FBXO5: variants seen among roughly 807,000 people sequenced by gnomAD.
The protein encoded by FBXO5 is F-box only protein 5.
Under a neutral mutation model 43.3 loss-of-function variants are expected in FBXO5, and 8 were observed. The observed-to-expected ratio is 0.18, with a 90% confidence interval of 0.11 to 0.33. The LOEUF (loss-of-function observed/expected upper bound fraction) is 0.33. FBXO5 is among the 10% of genes least tolerant of loss of function. FBXO5 has a pLI of 1.00. For missense variants in FBXO5, 491 were observed against 535.7 expected, an observed-to-expected ratio of 0.92 and a Z score of 0.82; for synonymous variants, 204 against 193.7, an observed-to-expected ratio of 1.05 and a Z score of -0.44.
intron 1 of FBXO5, 76 bp from the exon 2 acceptor site, chr6:152,975,697 A>G (rs1198414506): frequency 2.2e-6 from 2 of 911,060 alleles, no homozygotes; most frequent in Non-Finnish European, 3.3e-6. Flanking sequence ...TGGGATATAC[A>G]AAGATTACTT....
intron 2 of FBXO5, chr6:152,973,337 T>C (rs1001942153): frequency 3.8e-6 from 2 of 522,750 alleles, no homozygotes; most frequent in African/African-American, 1.9e-5. Flanking sequence ...AGCTCCCTCC[T>C]CATTAAGTAA....
At chr6:152,983,109 T>A, upstream of FBXO5, 1 of 444,570 alleles carries the variant, frequency 2.2e-6, no homozygotes, top group Non-Finnish European at 3.9e-6. Context: ...CGCGGTCCAA[T>A]GAGACGCGTC....
chr6:152,978,653 C>G (rs570791582), intron 1 of FBXO5, among the ~76,000 whole-genome samples: 1 of 152,050 alleles, frequency 6.6e-6, no homozygotes, highest in Non-Finnish European at 1.5e-5. Context: ...ATGACTACCA[C>G]GTTCCTCTTG....
At chr6:152,982,782 G>A (rs1778283319) in intron 1 of FBXO5, 75 bp downstream of exon 1, 3 of 1,046,848 alleles carry the variant, frequency 2.9e-6, no homozygotes, top group Non-Finnish European at 2.6e-6. Flanking sequence ...GTCGGGTCAG[G>A]GTCTCAGGCT....
At chr6:152,973,356 G>C (rs1166805431) in intron 2 of FBXO5, 6 of 500,308 alleles carry the variant, frequency 1.2e-5, no homozygotes, top group Non-Finnish European at 2.2e-5. Context: ...AATTCTGAGT[G>C]CATTGAGGCT....
At chr6:152,972,778 A>G in intron 3 of FBXO5, 1 of 495,962 alleles carries the variant, frequency 2.0e-6, no homozygotes, top group Non-Finnish European at 3.6e-6. Flanking sequence ...ACAACTGGCA[A>G]CTAAGATTGA....
At position 152,971,029 on chromosome 6, in the gene FBXO5, G is replaced by C; in HGVS notation, c.*134C>G. On this transcript the variant is annotated 3_prime_UTR_variant, in exon 5 of 5. Transcript: ENST00000229758. ...AGGTTGTCTATCCTCTTTATCTTCT[G>C]GGGGGAAAAAAACCTCAGGATACTA... 2 of 761,656 alleles carry C rather than the reference G, an allele frequency of 2.6e-6. No individual in the cohort carries two copies. Among genetic ancestry groups the C allele is most frequent in the Admixed American group, 3.7e-5 (1 of 27,034 alleles). The allele number at this position is 761,656 out of a possible 1,614,324, so 47.2% of individuals were successfully genotyped here.
chr6:152,976,593 T>C (rs1369547133), intron 1 of FBXO5, among the ~76,000 whole-genome samples: 1 of 152,220 alleles, frequency 6.6e-6, no homozygotes, highest in Admixed American at 6.5e-5. Flanking sequence ...GACACTCTAA[T>C]CAATTAACCA....
In FBXO5 at chr6:152,983,026, C is replaced by T; in HGVS notation, c.-67G>A. ...CGGGGGCAGCTGAGCAACCTGCCTG[C>T]TTCACAGACCTGTATCTCTTAAAAG... On this transcript the variant is annotated 5_prime_UTR_variant, in exon 1 of 5. Coordinates refer to ENST00000229758, the MANE Select transcript of FBXO5 (RefSeq NM_012177.5). 15 of 934,870 alleles carry T rather than the reference C, an allele frequency of 1.6e-5. No individual in the cohort carries two copies. Among genetic ancestry groups the T allele is most frequent in the Non-Finnish European group, 2.2e-5 (15 of 677,668 alleles). The allele number at this position is 934,870 out of a possible 1,614,324, so 57.9% of individuals were successfully genotyped here. A position where few individuals can be genotyped will look rare whatever the true frequency, so the allele number is the denominator to read the frequency against.
chr6:152,972,945 G>A, intron 3 of FBXO5, 101 bp downstream of exon 3: 1 of 820,966 alleles, frequency 1.2e-6, no homozygotes, highest in Non-Finnish European at 1.9e-6. Flanking sequence ...AATACTTTAT[G>A]ACTGTAAAGA....
At chr6:152,983,085 G>A, upstream of FBXO5, 1 of 534,780 alleles carries the variant, frequency 1.9e-6, no homozygotes, top group Non-Finnish European at 3.0e-6. Context: ...CTTTGAATTT[G>A]GTGCCTAAAT....
chr6:152,980,353 G>T (rs1016931620), intron 1 of FBXO5, among the ~76,000 whole-genome samples: 2 of 152,170 alleles, frequency 1.3e-5, no homozygotes, highest in Non-Finnish European at 2.9e-5. Flanking sequence ...AACACCTTAT[G>T]GAAATCTGGT....
At chr6:152,973,328 G>C in intron 2 of FBXO5, 192 bp from the exon 3 acceptor site, 1 of 532,552 alleles carries the variant, frequency 1.9e-6, no homozygotes, top group Admixed American at 3.1e-5. Flanking sequence ...TTTTTAAAAA[G>C]CTCCCTCCTC....
chr6:152,978,729 T>A (rs866802304), intron 1 of FBXO5, among the ~76,000 whole-genome samples: 5 of 152,150 alleles, frequency 3.3e-5, no homozygotes, highest in Non-Finnish European at 7.3e-5. Context: ...GGCTCATGCC[T>A]ATAATCCCAA....
At chr6:152,974,339 G>A (rs920409395) in intron 2 of FBXO5, among the ~76,000 whole-genome samples, 2 of 152,210 alleles carry the variant, frequency 1.3e-5, no homozygotes, top group South Asian at 2.1e-4. Context: ...GGTGTGACAA[G>A]TCATAATGCC....
At chr6:152,974,160 T>G (rs997065693) in intron 2 of FBXO5, among the ~76,000 whole-genome samples, 1 of 151,644 alleles carries the variant, frequency 6.6e-6, no homozygotes, top group Non-Finnish European at 1.5e-5. Flanking sequence ...AAGCCAAGAT[T>G]GCACCATTGC....
At position 152,971,268 on chromosome 6, in the gene FBXO5, A is replaced by G; in HGVS notation, c.1239T>C (p.Tyr413=). The G allele has an allele frequency of 6.2e-7, 1 of 1,614,068 alleles. No individual in the cohort carries two copies. The highest frequency in any genetic ancestry group is 8.5e-7 in the Non-Finnish European group (1 of 1,179,956). ...FDYCTKCLCN[Y]HTTKDCSDGK... ...CATCTGAACAGTCTTTAGTAGTATG[A>G]TAATTACAGAGACACTTCGTACAAT... The change falls in exon 5 of 5, where the codon TAT becomes TAC. Residue 413 remains tyrosine (Y), a synonymous_variant. Coordinates refer to ENST00000229758, the MANE Select transcript of FBXO5 (RefSeq NM_012177.5).
chr6:152,972,202 T>C, intron 4 of FBXO5, 70 bp downstream of exon 4: 1 of 1,192,290 alleles, frequency 8.4e-7, no homozygotes, highest in Admixed American at 2.2e-5. Flanking sequence ...ATTTTGACCT[T>C]GAAAGTTCTT....
rs77678657 is a variant in FBXO5 at position 152,977,088 on chromosome 6, T to C, written c.104-1467A>G. The stretch of plus-strand genomic sequence containing the variant: ...AGACAACAGTGGCCTGGGAAGGGCA[T>C]TCACAATTTGAGCAACGGCACAATG... On this transcript the variant is annotated intron_variant, in intron 1 of 4. Transcript: ENST00000229758. Among the ~76,000 whole-genome samples the C allele has an allele frequency of 7.9e-4, 120 of 152,308 alleles. No homozygotes were observed. The East Asian group carries it at 8.5e-3, about 11-fold the overall frequency.
Sources: gnomAD v4.1 joint callset for allele counts (sites outside exome capture counted in the v4.1 genomes callset) on GRCh38, gnomAD v4.1.1 for gene constraint, MANE v1.5 for transcripts, NCBI Gene and HGNC (gene_info 2026-07-23, HGNC 2026-07-21) for gene names.